Variants in PIBF1 observed in about 807,000 individuals in gnomAD.
The protein encoded by PIBF1 is progesterone immunomodulatory binding factor 1.
A neutral mutation model predicts 112.5 loss-of-function variants in PIBF1; 90 were observed. The observed-to-expected ratio is 0.80, with a 90% CI of 0.67 to 0.95. PIBF1 has a LOEUF of 0.95. PIBF1 is among the 40% of genes least tolerant of loss of function. The pLI, the probability that PIBF1 is intolerant of heterozygous loss-of-function variation, is 0.00. For synonymous variants in PIBF1, 301 were observed against 288.6 expected, an observed-to-expected ratio of 1.04 and a Z score of -0.44; for missense variants, 915 against 852.3, an observed-to-expected ratio of 1.07 and a Z score of -0.92.
Position 72,797,468 on chromosome 13 carries a change from G to A in PIBF1, c.553-439G>A, listed in dbSNP as rs575150064. ...ACTTAAAATTAGGTAAAGAAATCAG[G>A]GAGGGCTTTACTAACAAGGTAATAT... On this transcript the variant is annotated intron_variant, in intron 4 of 17. Coordinates refer to ENST00000326291, the MANE Select transcript of PIBF1 (RefSeq NM_006346.4). 9.8e-5 allele frequency among the ~76,000 whole-genome samples: 15 copies of A among 152,288 alleles called. No individual in the cohort carries two copies. In the South Asian group the frequency reaches 3.1e-3, roughly 32 times the overall value.
intron 17 of PIBF1, among the ~76,000 whole-genome samples, chr13:73,005,493 G>A (rs1448908311): frequency 6.6e-6 from 1 of 150,624 alleles, no homozygotes; most frequent in African/African-American, 2.4e-5. Flanking sequence ...TATATAAAAT[G>A]ATGAAATATA....
chr13:72,787,653 C>T (rs1414698338), intron 2 of PIBF1, among the ~76,000 whole-genome samples: 1 of 151,438 alleles, frequency 6.6e-6, no homozygotes, highest in Non-Finnish European at 1.5e-5. Context: ...CTGCCATATA[C>T]TTTTTTTTTC....
intron 14 of PIBF1, among the ~76,000 whole-genome samples, chr13:72,950,640 T>C (rs1405126965): frequency 6.6e-6 from 1 of 152,232 alleles, no homozygotes; most frequent in Admixed American, 6.5e-5. Context: ...TTAGTAATAA[T>C]GTTTGTTAAG....
chr13:72,788,612 C>T (rs1014648353), intron 2 of PIBF1, among the ~76,000 whole-genome samples: 7 of 152,160 alleles, frequency 4.6e-5, no homozygotes, highest in African/African-American at 1.7e-4. Context: ...GAAAAGGGGG[C>T]ATGTGCCAAA....
chr13:72,965,910 A>G (rs896069502), intron 15 of PIBF1, among the ~76,000 whole-genome samples: 3 of 152,142 alleles, frequency 2.0e-5, no homozygotes, highest in Admixed American at 6.5e-5. Flanking sequence ...TCACTTCCTT[A>G]ATTTGTAATT....
chr13:72,963,381 G>A (rs2138904425), intron 14 of PIBF1, among the ~76,000 whole-genome samples: 1 of 152,288 alleles, frequency 6.6e-6, no homozygotes, highest in East Asian at 1.9e-4. Context: ...ATCACTTGAA[G>A]TCAGGAATCC....
At chr13:72,988,755 G>C (rs570830602) in intron 16 of PIBF1, among the ~76,000 whole-genome samples, 1 of 152,214 alleles carries the variant, frequency 6.6e-6, no homozygotes, top group East Asian at 1.9e-4. Context: ...AATTATCTGA[G>C]GCTGGGCACA....
At chr13:72,856,973 G>A (rs1490799186) in intron 10 of PIBF1, among the ~76,000 whole-genome samples, 1 of 152,118 alleles carries the variant, frequency 6.6e-6, no homozygotes, top group African/African-American at 2.4e-5. Flanking sequence ...TTCATGTGAA[G>A]TTCAATTTTG....
chr13:72,815,418 C>T (rs1376023830), intron 5 of PIBF1, among the ~76,000 whole-genome samples: 1 of 152,110 alleles, frequency 6.6e-6, no homozygotes, highest in African/African-American at 2.4e-5. Flanking sequence ...TGTTCCCCCA[C>T]CGTTCATCTC....
At chr13:72,787,880 G>A (rs554982756) in intron 2 of PIBF1, among the ~76,000 whole-genome samples, 3 of 152,152 alleles carry the variant, frequency 2.0e-5, no homozygotes, top group Non-Finnish European at 2.9e-5. Context: ...GGCTGGTCTC[G>A]AACTCCTGGC....
chr13:72,896,309 T>G (rs2040280271), intron 11 of PIBF1, among the ~76,000 whole-genome samples: 1 of 152,146 alleles, frequency 6.6e-6, no homozygotes, highest in East Asian at 1.9e-4. Context: ...AACAACAGCC[T>G]TCAGCCCTTG....
At chr13:72,858,490 T>C (rs988082931) in intron 10 of PIBF1, among the ~76,000 whole-genome samples, 3 of 152,220 alleles carry the variant, frequency 2.0e-5, no homozygotes, top group Non-Finnish European at 4.4e-5. Context: ...AGAATTGTAA[T>C]TCATGAATAC....
rs577899922 is a variant in PIBF1 at position 72,831,203 on chromosome 13, C to CA, written c.1097+3298dup. On this transcript the variant is annotated intron_variant, in intron 8 of 17. Coordinates refer to ENST00000326291, the MANE Select transcript of PIBF1 (RefSeq NM_006346.4). Reference sequence around the variant, plus strand: ...AGTCTATCTATTTTGTTGATCTTTACAAAAAAAAACAGCTCCTGGATTCAT... The same window carrying CA: ...AGTCTATCTATTTTGTTGATCTTTACAAAAAAAAAACAGCTCCTGGATTCAT... 3.5e-3 allele frequency among the ~76,000 whole-genome samples: 518 copies of CA among 148,856 alleles called. 5 individuals carry two copies. In the East Asian group the frequency reaches 0.037, roughly 11 times the overall value.
chr13:72,796,478 ATAAC>A (rs1226856362), intron 4 of PIBF1, among the ~76,000 whole-genome samples: 2 of 152,204 alleles, frequency 1.3e-5, no homozygotes, highest in East Asian at 3.9e-4. Context: ...TGTAAAGACT[ATAAC>A]TATGTATGTA....
At chr13:72,831,392 G>T (rs532902593) in intron 8 of PIBF1, among the ~76,000 whole-genome samples, 1 of 152,098 alleles carries the variant, frequency 6.6e-6, no homozygotes, top group Non-Finnish European at 1.5e-5. Flanking sequence ...GACTTCTCTT[G>T]TGGGCATTTA....
At chr13:72,999,940 A>G (rs923494495) in intron 17 of PIBF1, among the ~76,000 whole-genome samples, 11 of 152,196 alleles carry the variant, frequency 7.2e-5, no homozygotes, top group African/African-American at 2.4e-4. Context: ...GTGGTGGCAC[A>G]CGCCTGTAGT....
chr13:72,836,928 A>G (rs534049326), intron 9 of PIBF1, among the ~76,000 whole-genome samples: 7 of 152,240 alleles, frequency 4.6e-5, no homozygotes, highest in Non-Finnish European at 8.8e-5. Context: ...AACACTGAAC[A>G]CAAAAGAAAT....
chr13:72,803,412 T>C (rs1372284880), intron 5 of PIBF1, among the ~76,000 whole-genome samples: 1 of 152,176 alleles, frequency 6.6e-6, no homozygotes, highest in Non-Finnish European at 1.5e-5. Context: ...TACCCAGTTA[T>C]AGTTATGTTT....
rs1163441117 is a variant in PIBF1, at chr13:72,998,827, G to A, written c.2055G>A (p.Leu685=). Residue 685 remains leucine, a synonymous_variant, in exon 17 of 18, where the codon TTG becomes TTA. Coordinates refer to ENST00000326291, the MANE Select transcript of PIBF1 (RefSeq NM_006346.4). ...CTGTTTTCATATATCAACAGGAATT[G>A]GCAGCAATGAAACAGATTCTCGTTA... ...LEQLLNHREE[L]AAMKQILVKM... The A allele has an allele frequency of 1.2e-6, 2 of 1,609,280 alleles. No homozygotes were observed. Among genetic ancestry groups the A allele is most frequent in the South Asian group, 1.1e-5 (1 of 90,162 alleles).
Sources: gnomAD v4.1 joint callset for allele counts (sites outside exome capture counted in the v4.1 genomes callset) on GRCh38, gnomAD v4.1.1 for gene constraint, MANE v1.5 for transcripts, NCBI Gene and HGNC (gene_info 2026-07-23, HGNC 2026-07-21) for gene names.